The following RNF217 variants were observed in gnomAD, a reference collection of about 807,000 sequenced individuals.
RNF217 encodes ring finger protein 217.
RNF217 carries 31 observed loss-of-function variants against 57.8 expected under a neutral mutation model. The ratio of observed to expected loss-of-function variants is 0.54; its 90% CI spans 0.40 to 0.72. The LOEUF (loss-of-function observed/expected upper bound fraction) is 0.72. RNF217 is among the 30% of genes least tolerant of loss of function. RNF217 has a pLI of 0.00. For synonymous variants in RNF217, 313 were observed against 294.0 expected (o/e 1.06, Z -0.66); for missense variants, 696 against 708.3 (o/e 0.98, Z 0.20).
chr6:124,998,017 C>G (rs1018418170), intron 1 of RNF217, among the ~76,000 whole-genome samples: 1 of 152,122 alleles, frequency 6.6e-6, no homozygotes, highest in African/African-American at 2.4e-5. Flanking sequence ...AGGGGCATCT[C>G]CTAATTGACA....
rs536397545 is a variant in RNF217 at position 125,082,364 on chromosome 6, T to C, written c.1556-500T>C. The C allele has an allele frequency of 1.7e-5, 23 of 1,343,562 alleles. 1 individual carries two copies. In the East Asian group the frequency reaches 5.0e-4, roughly 29 times the overall value. 83.2% of individuals were successfully genotyped at this position (1,343,562 alleles called of 1,614,324 possible). A position where few individuals can be genotyped will look rare whatever the true frequency, so the allele number is the denominator to read the frequency against. On this transcript the variant is annotated intron_variant, in intron 5 of 5. Coordinates refer to ENST00000521654, the MANE Select transcript of RNF217 (RefSeq NM_001286398.3). ...GCAAGTAATAAATGTGCAGGACAGATAGAATTATAAAGTATCTGACATTTA... is the reference window on the plus strand; with the variant it reads ...GCAAGTAATAAATGTGCAGGACAGACAGAATTATAAAGTATCTGACATTTA...
chr6:125,035,030 T>C (rs1352603541), intron 1 of RNF217, among the ~76,000 whole-genome samples: 1 of 151,910 alleles, frequency 6.6e-6, no homozygotes, highest in Non-Finnish European at 1.5e-5. Flanking sequence ...ATGCTTGTGA[T>C]TTTTGTACAT....
At chr6:125,042,601 T>C (rs1786926441) in intron 1 of RNF217, among the ~76,000 whole-genome samples, 1 of 152,092 alleles carries the variant, frequency 6.6e-6, no homozygotes, top group Non-Finnish European at 1.5e-5. Flanking sequence ...TTGAATAGAT[T>C]TGCAGATTTG....
At chr6:124,993,342 A>G (rs1303148535) in intron 1 of RNF217, among the ~76,000 whole-genome samples, 1 of 152,192 alleles carries the variant, frequency 6.6e-6, no homozygotes, top group East Asian at 1.9e-4. Flanking sequence ...TAACTGGCAG[A>G]TAGTAATTAC....
chr6:124,984,222 T>G (rs1413901651), intron 1 of RNF217, among the ~76,000 whole-genome samples: 1 of 152,056 alleles, frequency 6.6e-6, no homozygotes, highest in Non-Finnish European at 1.5e-5. Context: ...GTATGGGAAC[T>G]TGGGATATAA....
intron 1 of RNF217, among the ~76,000 whole-genome samples, chr6:124,968,882 T>C (rs1783653180): frequency 1.3e-5 from 2 of 152,224 alleles, no homozygotes; most frequent in Non-Finnish European, 2.9e-5. Flanking sequence ...AATTATTCAT[T>C]TATCAGTGCA....
chr6:125,021,703 A>AT (rs1047328567), intron 1 of RNF217, among the ~76,000 whole-genome samples: 2 of 152,190 alleles, frequency 1.3e-5, no homozygotes, highest in African/African-American at 4.8e-5. Context: ...ACAAAGCCTG[A>AT]TTTTTTCCCC....
intron 1 of RNF217, among the ~76,000 whole-genome samples, chr6:125,009,672 G>A (rs1433260416): frequency 6.7e-6 from 1 of 149,928 alleles, no homozygotes; most frequent in Non-Finnish European, 1.5e-5. Flanking sequence ...AACCTCTGTT[G>A]TATGATCCCT....
Position 124,962,855 on chromosome 6 carries a change from A to C in RNF217, c.311A>C (p.Gln104Pro). 1.9e-6 allele frequency: 3 copies of C among 1,597,996 alleles called. No homozygotes were observed. The highest frequency in any genetic ancestry group is 2.5e-6 in the Non-Finnish European group (3 of 1,179,620). Reference sequence around the variant, plus strand: ...CTCAATCCCCAGACCTTGCCACTGCAGTTGGAGCTGGAGGAGGAAGAGGAG... The same window carrying C: ...CTCAATCCCCAGACCTTGCCACTGCCGTTGGAGCTGGAGGAGGAAGAGGAG... ...GPLNPQTLPLQLELEEEEEEA... is the reference protein window; with the variant it reads ...GPLNPQTLPLPLELEEEEEEA... The change falls in exon 1 of 6, where the codon CAG becomes CCG. Residue 104 changes from glutamine to proline, a missense_variant. By Grantham distance (76) the Gln-to-Pro change is moderately conservative. Around this residue, in one of 2 missense-constraint regions of RNF217, gnomAD observed 465 missense variants for 386.8 expected, o/e 1.20. Transcript: ENST00000521654. This position sits in a 1 kb window ranked among gnomAD's most constrained non-coding sequence, Gnocchi z 4.6.
rs535803964 is a variant in RNF217 at position 124,981,661 on chromosome 6, G to A, written c.882+18235G>A. Among the ~76,000 whole-genome samples the A allele has an allele frequency of 2.6e-5, 4 of 152,144 alleles. No homozygotes were observed. The South Asian group carries it at 6.2e-4, about 24-fold the overall frequency. On this transcript the variant is annotated intron_variant, in intron 1 of 5. Coordinates refer to ENST00000521654, the MANE Select transcript of RNF217 (RefSeq NM_001286398.3). The stretch of plus-strand genomic sequence containing the variant: ...GAGCAGAGAGATGACTTTCTGTCCT[G>A]GACTTGTGAAGATACGCTATCATAT...
intron 1 of RNF217, among the ~76,000 whole-genome samples, chr6:125,017,991 G>A (rs1265797414): frequency 6.6e-6 from 1 of 152,174 alleles, no homozygotes; most frequent in Non-Finnish European, 1.5e-5. Flanking sequence ...CAGTCTTCTA[G>A]TAGCACATAA....
Position 124,982,048 on chromosome 6 carries a change from G to C in RNF217, c.882+18622G>C, listed in dbSNP as rs373973100. On this transcript the variant is annotated intron_variant, in intron 1 of 5. Coordinates refer to ENST00000521654, the MANE Select transcript of RNF217 (RefSeq NM_001286398.3). ...TCTCAAAAAAAAAAAAAAAAAAAAAGATCTTGAGGCCCACAAGGAATTTCC... is the reference window on the plus strand; with the variant it reads ...TCTCAAAAAAAAAAAAAAAAAAAAACATCTTGAGGCCCACAAGGAATTTCC... 3.2e-5 allele frequency among the ~76,000 whole-genome samples: 4 copies of C among 124,584 alleles called. No homozygotes were observed. The East Asian group carries it at 7.7e-4, about 24-fold the overall frequency. The allele number at this position is 124,584 out of a possible 152,430, so 81.7% of individuals were successfully genotyped here.
chr6:125,019,831 A>AGGGG (rs375622929), intron 1 of RNF217, among the ~76,000 whole-genome samples: 41 of 140,312 alleles, frequency 2.9e-4, no homozygotes, highest in African/African-American at 9.6e-4. Context: ...CCTTTTTTGC[A>AGGGG]GTGGGGGGGG....
At position 125,089,049 on chromosome 6, in the gene RNF217, T is replaced by G. The variant is rs1307913055; in HGVS notation, c.*6112T>G. On this transcript the variant is annotated 3_prime_UTR_variant, in exon 6 of 6. Transcript: ENST00000521654. ...TCAACACTGAACGCACTCCAGAATT[T>G]AGCTCTGGTAGTGAGCATAATTTAC... The G allele has an allele frequency of 1.3e-5, 2 of 152,612 alleles. No individual in the cohort carries two copies. Among genetic ancestry groups the G allele is most frequent in the African/African-American group, 2.4e-5 (1 of 41,466 alleles). The allele number at this position is 152,612 out of a possible 1,614,324, so 9.5% of individuals were successfully genotyped here.
intron 1 of RNF217, among the ~76,000 whole-genome samples, chr6:125,036,956 A>G (rs917943505): frequency 4.0e-5 from 6 of 149,928 alleles, no homozygotes; most frequent in Admixed American, 2.7e-4. Context: ...AAGTGGAGAA[A>G]TAGGAATGCT....
intron 1 of RNF217, among the ~76,000 whole-genome samples, chr6:125,027,698 G>T (rs1045098872): frequency 2.0e-5 from 3 of 152,078 alleles, no homozygotes; most frequent in Non-Finnish European, 1.5e-5. Context: ...TCATATGGTA[G>T]CTCAATTTTC....
At position 125,085,459 on chromosome 6, in the gene RNF217, A is replaced by C. The variant is rs924040729; in HGVS notation, c.*2522A>C. ...TGTGAATTTTTTACTAAGTTTCATCAAGATCTTAAAAAGAGAGAAGAAAAT... is the reference window on the plus strand; with the variant it reads ...TGTGAATTTTTTACTAAGTTTCATCCAGATCTTAAAAAGAGAGAAGAAAAT... On this transcript the variant is annotated 3_prime_UTR_variant, in exon 6 of 6. Coordinates refer to ENST00000521654, the MANE Select transcript of RNF217 (RefSeq NM_001286398.3). 4 of 151,890 alleles carry C rather than the reference A, an allele frequency of 2.6e-5. No individual in the cohort carries two copies. The South Asian group carries it at 8.3e-4, about 31-fold the overall frequency. 9.4% of individuals were successfully genotyped at this position (151,890 alleles called of 1,614,324 possible). A position where few individuals can be genotyped will look rare whatever the true frequency, so the allele number is the denominator to read the frequency against.
chr6:125,029,852 G>T (rs138598871), intron 1 of RNF217, among the ~76,000 whole-genome samples: 3 of 152,300 alleles, frequency 2.0e-5, no homozygotes, highest in African/African-American at 7.2e-5. Flanking sequence ...AATTAGCTGA[G>T]ATGACGACAG....
At chr6:124,992,969 T>C (rs188947137) in intron 1 of RNF217, among the ~76,000 whole-genome samples, 59 of 152,312 alleles carry the variant, frequency 3.9e-4, no homozygotes, top group African/African-American at 1.4e-3. Context: ...AATTTTCCAA[T>C]GTAATAGAAT....
Sources: gnomAD v4.1 joint callset for allele counts (sites outside exome capture counted in the v4.1 genomes callset) on GRCh38, gnomAD v4.1.1 for gene constraint, gnomAD v4.1.1 regional missense constraint, Gnocchi (gnomAD v3.1) non-coding constraint, MANE v1.5 for transcripts, NCBI Gene and HGNC (gene_info 2026-07-23, HGNC 2026-07-21) for gene names.